The following VPS8 variants were observed in gnomAD, a reference collection of about 807,000 sequenced individuals.
The protein encoded by VPS8 is VPS8 subunit of CORVET complex.
VPS8 carries 129 observed loss-of-function variants against 216.4 expected under a neutral mutation model. That is an observed-to-expected ratio of 0.60 (90% CI 0.52 to 0.69). The LOEUF is 0.69. Among genes scored for constraint, VPS8 ranks in the 30% least tolerant of loss-of-function variants. VPS8 has a pLI of 0.00. For synonymous variants in VPS8, 571 were observed against 565.4 expected, an observed-to-expected ratio of 1.01 and a Z score of -0.14; for missense variants, 1,531 against 1,683.5, an observed-to-expected ratio of 0.91 and a Z score of 1.59.
In VPS8 at chr3:184,929,484, C is replaced by T. The variant is rs566640568; in HGVS notation, c.2715-96C>T. ...GGATTATAAGCATGAGCCAGGACAC[C>T]TGGCCCACTTTTCCTAATACTAACC... is the stretch of plus-strand genomic sequence containing the variant. On this transcript the variant is annotated intron_variant, in intron 32 of 47. Transcript: ENST00000625842. 1.6e-4 allele frequency: 117 copies of T among 714,044 alleles called. No individual in the cohort carries two copies. In the South Asian group the frequency reaches 1.7e-3, roughly 11 times the overall value. 44.2% of individuals were successfully genotyped at this position (714,044 alleles called of 1,614,324 possible).
At chr3:184,932,413 G>A (rs1308584358) in intron 34 of VPS8, among the ~76,000 whole-genome samples, 1 of 152,094 alleles carries the variant, frequency 6.6e-6, no homozygotes, top group Non-Finnish European at 1.5e-5. Flanking sequence ...GATTTCATTA[G>A]ATTGTGTTGA....
chr3:184,843,155 T>C, intron 7 of VPS8, 85 bp from the exon 8 acceptor site: 1 of 1,083,752 alleles, frequency 9.2e-7, no homozygotes, highest in Non-Finnish European at 1.3e-6. Context: ...TTCTTGAAAT[T>C]TTTTACCTGC....
intron 21 of VPS8, among the ~76,000 whole-genome samples, chr3:184,881,739 T>C (rs1211871182): frequency 6.6e-6 from 1 of 152,146 alleles, no homozygotes; most frequent in African/African-American, 2.4e-5. Context: ...ACTGATATTT[T>C]TACTATGCTG....
chr3:184,984,183 C>CAAAAAAAAAAAAAAAAAAAAAAAAAAA (rs1453935100), intron 42 of VPS8, among the ~76,000 whole-genome samples: 301 of 2,884 alleles, frequency 0.1, 150 homozygotes, highest in Non-Finnish European at 0.12. Context: ...GACTCCGTCT[C>CAAAAAAAAAAAAAAAAAAAAAAAAAAA]AAAAAAAAAA....
intron 8 of VPS8, among the ~76,000 whole-genome samples, chr3:184,847,284 ACT>A (rs1490500484): frequency 2.0e-5 from 3 of 152,122 alleles, no homozygotes; most frequent in Non-Finnish European, 4.4e-5. Flanking sequence ...ACAGAAAAGG[ACT>A]CTTACAGTAT....
chr3:184,963,490 A>C (rs1209527403), intron 37 of VPS8, among the ~76,000 whole-genome samples: 1 of 152,086 alleles, frequency 6.6e-6, no homozygotes, highest in Non-Finnish European at 1.5e-5. Context: ...TGCTGTTTTA[A>C]AATGTTACTG....
Position 185,024,381 on chromosome 3 carries a change from GC to G in VPS8, c.4049del (p.Ala1350ValfsTer76). The G allele has an allele frequency of 6.3e-7, 1 of 1,596,992 alleles. No individual in the cohort carries two copies. The highest frequency in any genetic ancestry group is 8.5e-7 in the Non-Finnish European group (1 of 1,170,958). The stretch of plus-strand genomic sequence containing the variant: ...TCATCAGTCCAAAGGGGATCCCACT[GC>G]TAAAAAGGTGAGTTTGTTTTAAAGG... ...SYHQSKGDPT[A>X]KKGTSEPVLD... On this transcript the variant is annotated frameshift_variant, in exon 46 of 48. Transcript: ENST00000625842. LOFTEE classifies it high-confidence loss of function.
At chr3:184,916,788 G>A (rs1329201527) in intron 28 of VPS8, among the ~76,000 whole-genome samples, 2 of 152,110 alleles carry the variant, frequency 1.3e-5, no homozygotes, top group Non-Finnish European at 2.9e-5. Context: ...GAGTGTTAGA[G>A]AAAACAAAGA....
chr3:184,869,188 G>T (rs1200559706), intron 19 of VPS8, among the ~76,000 whole-genome samples, 152 bp downstream of exon 19: 1 of 152,094 alleles, frequency 6.6e-6, no homozygotes, highest in East Asian at 1.9e-4. Flanking sequence ...AGTTAAGAAG[G>T]TTAATGTGAC....
At chr3:184,886,546 TAC>T (rs34621825) in intron 22 of VPS8, among the ~76,000 whole-genome samples, 15 of 150,400 alleles carry the variant, frequency 1.0e-4, no homozygotes, top group South Asian at 6.3e-4. Flanking sequence ...CACATATGTA[TAC>T]ACACACACAC....
At chr3:184,973,146 A>C (rs1337807863) in intron 40 of VPS8, among the ~76,000 whole-genome samples, 1 of 152,222 alleles carries the variant, frequency 6.6e-6, no homozygotes, top group African/African-American at 2.4e-5. Flanking sequence ...CTGTGAAATG[A>C]TACATACTCA....
At chr3:184,947,469 G>C (rs559087941) in intron 36 of VPS8, among the ~76,000 whole-genome samples, 102 of 151,962 alleles carry the variant, frequency 6.7e-4, no homozygotes, top group South Asian at 5.8e-3. Flanking sequence ...ATACCTTATT[G>C]AAACAGTCTT....
At chr3:184,885,911 C>T (rs555744618) in intron 21 of VPS8, 199 bp from the exon 22 acceptor site, 2 of 509,904 alleles carry the variant, frequency 3.9e-6, no homozygotes, top group East Asian at 3.0e-5. Flanking sequence ...ATTTAGGGTA[C>T]ATTTCCAGAA....
At chr3:184,895,538 A>G (rs1693253107) in intron 23 of VPS8, among the ~76,000 whole-genome samples, 1 of 135,700 alleles carries the variant, frequency 7.4e-6, no homozygotes, top group Non-Finnish European at 1.5e-5. Context: ...ATTGAGGTGC[A>G]GTATTTATTC....
At chr3:184,927,560 T>C (rs1656946440) in intron 31 of VPS8, among the ~76,000 whole-genome samples, 1 of 152,180 alleles carries the variant, frequency 6.6e-6, no homozygotes, top group Non-Finnish European at 1.5e-5. Flanking sequence ...TCCAATATTT[T>C]TGTTTGCTTT....
At chr3:184,843,328 A>G (rs1722532624) in intron 8 of VPS8, 83 bp downstream of exon 8, 2 of 1,052,268 alleles carry the variant, frequency 1.9e-6, no homozygotes, top group South Asian at 2.6e-5. Context: ...ATTATAGTCA[A>G]TGTCCTCTTA....
At chr3:184,936,158 A>T in intron 34 of VPS8, 88 bp from the exon 35 acceptor site, 1 of 1,118,486 alleles carries the variant, frequency 8.9e-7, no homozygotes, top group Non-Finnish European at 1.3e-6. Flanking sequence ...TTGCGACTGT[A>T]TTGAGGTAGG....
intron 13 of VPS8, among the ~76,000 whole-genome samples, chr3:184,855,030 G>A (rs1210750889): frequency 2.0e-5 from 3 of 152,100 alleles, no homozygotes; most frequent in Non-Finnish European, 2.9e-5. Context: ...CCTAGGGGAA[G>A]CAGGTCTATC....
At chr3:184,905,255 A>G (rs1477404616) in intron 25 of VPS8, among the ~76,000 whole-genome samples, 1 of 152,174 alleles carries the variant, frequency 6.6e-6, no homozygotes, top group Non-Finnish European at 1.5e-5. Context: ...TTCAGACCAT[A>G]GCACTAGTTT....
Sources: gnomAD v4.1 joint callset for allele counts (sites outside exome capture counted in the v4.1 genomes callset) on GRCh38, gnomAD v4.1.1 for gene constraint, MANE v1.5 for transcripts, NCBI Gene and HGNC (gene_info 2026-07-23, HGNC 2026-07-21) for gene names.